The following ADAMTSL1 variants were observed in gnomAD, a reference collection of about 807,000 sequenced individuals.
ADAMTSL1 encodes the protein ADAMTS like 1.
A neutral mutation model predicts 201.8 loss-of-function variants in ADAMTSL1; 126 were observed. The observed-to-expected ratio is 0.62, with a 90% confidence interval of 0.54 to 0.72. The LOEUF is 0.72. ADAMTSL1 is among the 30% of genes least tolerant of loss of function. The pLI, the probability that ADAMTSL1 is intolerant of heterozygous loss-of-function variation, is 0.00. For synonymous variants in ADAMTSL1, 1,121 were observed against 903.4 expected (o/e 1.24, Z -4.32); for missense variants, 2,679 against 2,277.8 (o/e 1.18, Z -3.59).
At chr9:18,750,331 A>C (rs1332702) in intron 15 of ADAMTSL1, among the ~76,000 whole-genome samples, 82,239 of 151,862 alleles carry the variant, frequency 0.54, 22,522 homozygotes, top group South Asian at 0.64. Context: ...GGCTCCTAAC[A>C]CAGTGGATTA....
In ADAMTSL1 at chr9:18,711,738, G is replaced by A. The variant is rs1419613323; in HGVS notation, c.1876+4690G>A. On this transcript the variant is annotated intron_variant, in intron 14 of 28. Transcript: ENST00000380548. ...AGCTGGGAAGCTCGAACTGGGTGGA[G>A]CCCACCACAGCTCAAGGAGGCCTGC... Among the ~76,000 whole-genome samples, 9 of 150,518 alleles carry A rather than the reference G, an allele frequency of 6.0e-5. No homozygotes were observed. The South Asian group carries it at 1.9e-3, about 32-fold the overall frequency.
chr9:17,956,396 G>A (rs899720174), intron 1 of ADAMTSL1, among the ~76,000 whole-genome samples: 2 of 152,156 alleles, frequency 1.3e-5, no homozygotes, highest in Admixed American at 6.5e-5. Context: ...AAGAAAGTCG[G>A]CAATATTGTT....
At chr9:18,822,641 C>T (rs982755657) in intron 21 of ADAMTSL1, among the ~76,000 whole-genome samples, 14 of 152,288 alleles carry the variant, frequency 9.2e-5, no homozygotes, top group Admixed American at 3.3e-4. Flanking sequence ...GGCATCCAAA[C>T]AAATGTGACC....
intron 5 of ADAMTSL1, among the ~76,000 whole-genome samples, chr9:18,629,780 C>CT (rs575792616): frequency 9.8e-4 from 149 of 152,094 alleles, no homozygotes; most frequent in African/African-American, 3.4e-3. Context: ...TGCTTGTCTT[C>CT]TTTTTTTCTG....
intron 1 of ADAMTSL1, among the ~76,000 whole-genome samples, chr9:18,026,397 T>C (rs1586913313): frequency 1.3e-5 from 2 of 152,012 alleles, no homozygotes; most frequent in African/African-American, 4.8e-5. Flanking sequence ...GGCTACTTTG[T>C]TTAGGGTTTT....
intron 2 of ADAMTSL1, among the ~76,000 whole-genome samples, chr9:18,455,494 T>G (rs1459699124): frequency 2.6e-5 from 4 of 152,222 alleles, no homozygotes; most frequent in African/African-American, 7.2e-5. Flanking sequence ...TTAATATAAT[T>G]TTTTAAACCT....
intron 13 of ADAMTSL1, among the ~76,000 whole-genome samples, chr9:18,701,841 T>A (rs2133304885): frequency 6.6e-6 from 1 of 152,214 alleles, no homozygotes; most frequent in East Asian, 1.9e-4. Context: ...CAAACATATA[T>A]GAGAAAGGAA....
At chr9:18,440,214 C>T (rs917511593) in intron 2 of ADAMTSL1, among the ~76,000 whole-genome samples, 3 of 152,072 alleles carry the variant, frequency 2.0e-5, no homozygotes, top group East Asian at 3.8e-4. Context: ...TGGAAAACAC[C>T]TTGCATCCTG....
intron 1 of ADAMTSL1, among the ~76,000 whole-genome samples, chr9:18,043,114 C>T (rs1177077393): frequency 6.6e-6 from 1 of 152,158 alleles, no homozygotes; most frequent in African/African-American, 2.4e-5. Flanking sequence ...CTTTTTCAAA[C>T]TTGCCACATG....
Position 18,776,951 on chromosome 9 carries a change from C to CT in ADAMTSL1, c.2723dup (p.Ile909HisfsTer51). On this transcript the variant is annotated frameshift_variant, in exon 19 of 29. Coordinates refer to ENST00000380548, the MANE Select transcript of ADAMTSL1 (RefSeq NM_001040272.6). LOFTEE classifies it high-confidence loss of function. ...CCCGGCGCGCAGGGTCCGCAAGCCC[C>CT]TCATCACCTGGGAGAAGGACGGCCA... The CT allele has an allele frequency of 6.3e-7, 1 of 1,599,566 alleles. No individual in the cohort carries two copies. Among genetic ancestry groups the CT allele is most frequent in the Non-Finnish European group, 8.5e-7 (1 of 1,172,118 alleles).
intron 13 of ADAMTSL1, among the ~76,000 whole-genome samples, chr9:18,688,683 A>ATATATAT (rs1831005300): frequency 4.1e-5 from 1 of 24,334 alleles, no homozygotes; most frequent in African/African-American, 1.3e-4. Flanking sequence ...AAAAAAAAAA[A>ATATATAT]AAAAAAATAT....
chr9:18,187,508 G>A (rs1206142509), intron 2 of ADAMTSL1, among the ~76,000 whole-genome samples: 2 of 152,064 alleles, frequency 1.3e-5, no homozygotes, highest in African/African-American at 4.8e-5. Context: ...TGTGTATAAT[G>A]TGGTCCCTGT....
intron 2 of ADAMTSL1, among the ~76,000 whole-genome samples, chr9:18,292,630 T>A (rs893603947): frequency 6.6e-6 from 1 of 152,156 alleles, no homozygotes; most frequent in East Asian, 1.9e-4. Context: ...GCAGACTTGC[T>A]AAGTCTTCCA....
chr9:18,400,803 T>C (rs766120733), intron 2 of ADAMTSL1, among the ~76,000 whole-genome samples: 14 of 152,182 alleles, frequency 9.2e-5, no homozygotes, highest in Admixed American at 2.0e-4. Context: ...TAGATCCCAC[T>C]AGGATCTCTA....
intron 2 of ADAMTSL1, among the ~76,000 whole-genome samples, chr9:18,505,924 C>T (rs973984310): frequency 6.6e-6 from 1 of 152,184 alleles, no homozygotes. Flanking sequence ...CTTTCTGTCT[C>T]CCCAAGGCCT....
chr9:18,771,820 G>A (rs2133724110), intron 17 of ADAMTSL1, among the ~76,000 whole-genome samples: 1 of 143,692 alleles, frequency 7.0e-6, no homozygotes, highest in East Asian at 2.2e-4. Context: ...AGCGGCCTGT[G>A]AAAATTAAGA....
chr9:18,874,638 G>T (rs1429854381), intron 23 of ADAMTSL1, among the ~76,000 whole-genome samples: 2 of 152,106 alleles, frequency 1.3e-5, no homozygotes, highest in Non-Finnish European at 2.9e-5. Flanking sequence ...AATTGATCAA[G>T]GTGGATTATC....
intron 2 of ADAMTSL1, among the ~76,000 whole-genome samples, chr9:18,202,849 G>A (rs1456811697): frequency 1.3e-5 from 2 of 152,040 alleles, no homozygotes; most frequent in East Asian, 3.9e-4. Flanking sequence ...TGGAGAGATG[G>A]ATAAGAGAAA....
intron 1 of ADAMTSL1, among the ~76,000 whole-genome samples, chr9:17,956,851 C>G (rs1827951640): frequency 6.6e-6 from 1 of 152,146 alleles, no homozygotes; most frequent in Non-Finnish European, 1.5e-5. Context: ...ATTAGATAGA[C>G]TTATATTTCA....
Sources: gnomAD v4.1 joint callset for allele counts (sites outside exome capture counted in the v4.1 genomes callset) on GRCh38, gnomAD v4.1.1 for gene constraint, MANE v1.5 for transcripts, NCBI Gene and HGNC (gene_info 2026-07-23, HGNC 2026-07-21) for gene names.